CACNA1D: variants seen among roughly 807,000 people sequenced by gnomAD.
CACNA1D encodes calcium voltage-gated channel subunit alpha1 D.
A neutral mutation model predicts 257.1 loss-of-function variants in CACNA1D; 55 were observed. The ratio of observed to expected loss-of-function variants is 0.21; its 90% confidence interval spans 0.17 to 0.27. CACNA1D has a LOEUF of 0.27. CACNA1D is among the 10% of genes least tolerant of loss of function. The pLI is 1.00. For missense variants in CACNA1D, 1,876 were observed against 2,784.0 expected (o/e 0.67, Z 7.34); for synonymous variants, 980 against 1,014.9 (o/e 0.97, Z 0.65).
Position 53,774,310 on chromosome 3 carries a change from C to T in CACNA1D, c.4111-277C>T, listed in dbSNP as rs148081841. ...TGTCTGGACCACCCCAGCATCATCA[C>T]TGGGGTTTGATGTTGCCTGGCTACC... On this transcript the variant is annotated intron_variant, in intron 33 of 47. Transcript: ENST00000350061. This position sits in a 1 kb window ranked among gnomAD's most constrained non-coding sequence, Gnocchi z 4.3. The T allele has an allele frequency of 2.3e-4, 101 of 440,434 alleles. No homozygotes were observed. Among genetic ancestry groups the T allele is most frequent in the African/African-American group, 1.9e-3 (97 of 50,056 alleles). The allele number at this position is 440,434 out of a possible 1,614,324, so 27.3% of individuals were successfully genotyped here. A position where few individuals can be genotyped will look rare whatever the true frequency, so the allele number is the denominator to read the frequency against.
chr3:53,729,837 T>G (rs995766632), intron 15 of CACNA1D, among the ~76,000 whole-genome samples: 1 of 152,134 alleles, frequency 6.6e-6, no homozygotes, highest in Admixed American at 6.5e-5. Context: ...CAGCACCAGG[T>G]GGCAGTAAGT....
In CACNA1D at chr3:53,753,596, A is replaced by G; in HGVS notation, c.3700A>G (p.Asn1234Asp). The change falls in exon 29 of 48, where the codon AAT becomes GAT. Residue 1234 changes from asparagine (N) to aspartate (D), a missense_variant. Physicochemically the swap from Asn to Asp is conservative, Grantham distance 23. Transcript: ENST00000350061. ...MQHYEQSKMF[N>D]DAMDILNMVF... is the part of the protein sequence containing the mutation. ...GCACTACGAGCAGTCCAAGATGTTC[A>G]ATGATGCCATGGACATTCTGAACAT... The G allele has an allele frequency of 6.2e-7, 1 of 1,612,086 alleles. No homozygotes were observed. The highest frequency in any genetic ancestry group is 1.1e-5 in the South Asian group (1 of 91,046).
rs761000658 is a variant in CACNA1D, at chr3:53,495,200, C to T, written c.34C>T (p.His12Tyr). 1 of 1,613,734 alleles carries T rather than the reference C, an allele frequency of 6.2e-7. No homozygotes were observed. The highest frequency in any genetic ancestry group is 1.7e-5 in the Admixed American group (1 of 60,020). The change falls in exon 1 of 48, where the codon CAT becomes TAT. Residue 12 changes from histidine to tyrosine, a missense_variant. Around this residue, in one of 10 missense-constraint regions of CACNA1D, gnomAD observed 143 missense variants for 168.7 expected, o/e 0.85. Transcript: ENST00000350061. This position sits in a 1 kb window ranked among gnomAD's most constrained non-coding sequence, Gnocchi z 5.1. ...MMMMMMKKMQ[H>Y]QRQQQADHAN... ...GATGATGATGATGAAAAAAATGCAGCATCAACGGCAGCAGCAAGCGGACCA... is the reference window on the plus strand; with the variant it reads ...GATGATGATGATGAAAAAAATGCAGTATCAACGGCAGCAGCAAGCGGACCA...
At chr3:53,575,349 G>T (rs1002434014) in intron 3 of CACNA1D, among the ~76,000 whole-genome samples, 1 of 152,190 alleles carries the variant, frequency 6.6e-6, no homozygotes, top group Admixed American at 6.5e-5. Flanking sequence ...GCATGGGCAG[G>T]AAGGGGAGTG....
rs55949492 is a variant in CACNA1D at position 53,502,057 on chromosome 3, T to C, written c.483+337T>C. 5.2e-3 allele frequency among the ~76,000 whole-genome samples: 789 copies of C among 151,760 alleles called. 5 individuals are homozygous for C. The highest frequency in any genetic ancestry group is 8.7e-3 in the Non-Finnish European group (594 of 67,890). On this transcript the variant is annotated intron_variant, in intron 3 of 47. Coordinates refer to ENST00000350061, the MANE Select transcript of CACNA1D (RefSeq NM_001128840.3). ...AATATTAGCTTTTTTCTTTTCTTTT[T>C]TTTTTTTTGTTTTTAATCTAGTGTT... is the stretch of plus-strand genomic sequence containing the variant.
At chr3:53,546,639 C>G (rs867195390) in intron 3 of CACNA1D, among the ~76,000 whole-genome samples, 21 of 152,154 alleles carry the variant, frequency 1.4e-4, no homozygotes, top group African/African-American at 5.1e-4. Flanking sequence ...CCCTTGTCTC[C>G]TACTCCAAGC....
At position 53,495,437 on chromosome 3, in the gene CACNA1D, C is replaced by T. The variant is rs2090301516; in HGVS notation, c.67+204C>T. 6.6e-6 allele frequency among the ~76,000 whole-genome samples: 1 copy of T among 152,140 alleles called. No homozygotes were observed. ...GCCCTGAATGTCAGAGTTAATTCTG[C>T]ATTTGTGGGGTGGGGGCGGCCGTGG... On this transcript the variant is annotated intron_variant, in intron 1 of 47. Transcript: ENST00000350061. The surrounding 1 kb of genome is among the most constrained non-coding windows in gnomAD (Gnocchi z 5.1).
At chr3:53,683,025 G>C (rs929851728) in intron 8 of CACNA1D, among the ~76,000 whole-genome samples, 1 of 152,172 alleles carries the variant, frequency 6.6e-6, no homozygotes, top group Non-Finnish European at 1.5e-5. Context: ...AGCAGAGAAC[G>C]ATGGTCTATT....
At position 53,772,834 on chromosome 3, in the gene CACNA1D, C is replaced by T. The variant is rs1385607389; in HGVS notation, c.4046C>T (p.Ala1349Val). ...AGCCAAGTGCCTTTTCTCTCCCAGG[C>T]GCTCCCGTATGTGGCCCTCCTCATA... ...LLWTFIKSFQ[A>V]LPYVALLIAM... is the part of the protein sequence containing the mutation. The change falls in exon 33 of 48, where the codon GCG becomes GTG. Residue 1349 changes from alanine (A) to valine (V), a missense_variant and splice_region_variant. Coordinates refer to ENST00000350061, the MANE Select transcript of CACNA1D (RefSeq NM_001128840.3). 2 of 1,609,490 alleles carry T rather than the reference C, an allele frequency of 1.2e-6. No homozygotes were observed. Among genetic ancestry groups the T allele is most frequent in the Non-Finnish European group, 8.5e-7 (1 of 1,177,964 alleles).
At chr3:53,749,549 C>T in intron 27 of CACNA1D, 80 bp downstream of exon 27, 1 of 1,004,218 alleles carries the variant, frequency 1.0e-6, no homozygotes, top group South Asian at 1.3e-5. Flanking sequence ...TTCCCCCATA[C>T]CCAGAGAAGG....
At chr3:53,498,420 C>T (rs149989666) in intron 2 of CACNA1D, among the ~76,000 whole-genome samples, 206 of 152,310 alleles carry the variant, frequency 1.4e-3, no homozygotes, top group Non-Finnish European at 2.3e-3. Flanking sequence ...TGCCACTCTT[C>T]AGAGAAGGTT....
intron 15 of CACNA1D, among the ~76,000 whole-genome samples, chr3:53,729,110 T>C (rs2094963187): frequency 6.6e-6 from 1 of 152,168 alleles, no homozygotes; most frequent in Non-Finnish European, 1.5e-5. Flanking sequence ...GAGTTACCAT[T>C]ACCCCAGGCC....
intron 3 of CACNA1D, among the ~76,000 whole-genome samples, chr3:53,560,160 G>A (rs2092713789): frequency 6.7e-6 from 1 of 149,090 alleles, no homozygotes; most frequent in South Asian, 2.1e-4. Flanking sequence ...ATGGTGAGCT[G>A]CCTTTGAATC....
chr3:53,497,039 A>T (rs900052469), intron 1 of CACNA1D, 113 bp from the exon 2 acceptor site: 25 of 818,618 alleles, frequency 3.1e-5, no homozygotes, highest in Admixed American at 9.0e-5. Flanking sequence ...AAATGGAAAC[A>T]TAGGAGTGAA....
At chr3:53,675,394 A>G (rs1391500702) in intron 8 of CACNA1D, among the ~76,000 whole-genome samples, 4 of 152,212 alleles carry the variant, frequency 2.6e-5, no homozygotes, top group African/African-American at 9.6e-5. Context: ...GGAGCTTTCT[A>G]TACAAGGTTA....
chr3:53,684,953 A>T, intron 8 of CACNA1D, among the ~76,000 whole-genome samples: 1 of 152,184 alleles, frequency 6.6e-6, no homozygotes, highest in East Asian at 1.9e-4. Context: ...AAATAGTACT[A>T]AATTATCCAA....
At chr3:53,691,387 G>T (rs1250954579) in intron 8 of CACNA1D, among the ~76,000 whole-genome samples, 1 of 151,908 alleles carries the variant, frequency 6.6e-6, no homozygotes, top group African/African-American at 2.4e-5. Flanking sequence ...TGATCTGCCC[G>T]TCTCGGCCTC....
Position 53,732,151 on chromosome 3 carries a change from C to T in CACNA1D, c.2473+69C>T, listed in dbSNP as rs375670654. On this transcript the variant is annotated intron_variant, in intron 18 of 47. Coordinates refer to ENST00000350061, the MANE Select transcript of CACNA1D (RefSeq NM_001128840.3). ...TTGCTACTGCTCTGTGACCACCTGCCGAGTCTGCGGCCAGCCAGCCCAGCA... is the reference window on the plus strand; with the variant it reads ...TTGCTACTGCTCTGTGACCACCTGCTGAGTCTGCGGCCAGCCAGCCCAGCA... 8.2e-5 allele frequency: 102 copies of T among 1,238,648 alleles called. No homozygotes were observed. In the African/African-American group the frequency reaches 1.0e-3, roughly 12 times the overall value. 76.7% of individuals were successfully genotyped at this position (1,238,648 alleles called of 1,614,324 possible).
intron 3 of CACNA1D, among the ~76,000 whole-genome samples, chr3:53,552,167 G>A (rs909965198): frequency 6.6e-6 from 1 of 152,166 alleles, no homozygotes; most frequent in African/African-American, 2.4e-5. Context: ...TGTGTGTGGA[G>A]GGGCTGTATG....
Sources: gnomAD v4.1 joint callset for allele counts (sites outside exome capture counted in the v4.1 genomes callset) on GRCh38, gnomAD v4.1.1 for gene constraint, gnomAD v4.1.1 regional missense constraint, Gnocchi (gnomAD v3.1) non-coding constraint, MANE v1.5 for transcripts, NCBI Gene and HGNC (gene_info 2026-07-23, HGNC 2026-07-21) for gene names.